The following GALNTL6 variants were observed in gnomAD, a reference collection of about 807,000 sequenced individuals.
The protein encoded by GALNTL6 is polypeptide N-acetylgalactosaminyltransferase like 6, also known as polypeptide N-acetylgalactosaminyltransferase-like 6.
In GALNTL6, 46 loss-of-function variants were observed where a neutral mutation model predicts 73.7. The ratio of observed to expected loss-of-function variants is 0.62; its 90% CI spans 0.49 to 0.80. The LOEUF is 0.80. Ranked by LOEUF, GALNTL6 falls within the 30% of genes least tolerant of loss-of-function variation. The probability of loss-of-function intolerance (pLI) is 0.00; values close to 1 mark genes in which losing one functional copy is unlikely to be tolerated. For synonymous variants in GALNTL6, 259 were observed against 263.7 expected, an observed-to-expected ratio of 0.98 and a Z score of 0.17; for missense variants, 604 against 755.0, an observed-to-expected ratio of 0.80 and a Z score of 2.34.
chr4:172,339,266 C>CAA, intron 4 of GALNTL6, among the ~76,000 whole-genome samples: 1 of 66,868 alleles, frequency 1.5e-5, no homozygotes, highest in Non-Finnish European at 3.2e-5. Context: ...ACCACACACA[C>CAA]ACACACACAC....
chr4:172,159,464 A>T (rs1043275708), intron 2 of GALNTL6, among the ~76,000 whole-genome samples: 25 of 152,342 alleles, frequency 1.6e-4, no homozygotes, highest in Middle Eastern at 3.4e-3. Context: ...AGTTTCATTC[A>T]TGATGAAAGA....
At position 172,168,795 on chromosome 4, in the gene GALNTL6, G is replaced by A. The variant is rs79165326; in HGVS notation, c.139-60861G>A. Among the ~76,000 whole-genome samples, 664 of 152,312 alleles carry A rather than the reference G, an allele frequency of 4.4e-3. 7 individuals are homozygous for A. Among genetic ancestry groups the A allele is most frequent in the African/African-American group, 0.015 (632 of 41,554 alleles). On this transcript the variant is annotated intron_variant, in intron 2 of 12. Coordinates refer to ENST00000506823, the MANE Select transcript of GALNTL6 (RefSeq NM_001034845.3). The stretch of plus-strand genomic sequence containing the variant: ...GGCCAAAACATAAAGAGACATATCA[G>A]CTGCATCAATAGTAAACCTAGTTAT...
At chr4:172,275,594 A>G (rs1391092446) in intron 3 of GALNTL6, among the ~76,000 whole-genome samples, 1 of 152,242 alleles carries the variant, frequency 6.6e-6, no homozygotes, top group Non-Finnish European at 1.5e-5. Flanking sequence ...GCTTTTAACA[A>G]TTATGATTAC....
rs75573189 is a variant in GALNTL6, at chr4:172,073,357, C to T, written c.139-156299C>T. On this transcript the variant is annotated intron_variant, in intron 2 of 12. Coordinates refer to ENST00000506823, the MANE Select transcript of GALNTL6 (RefSeq NM_001034845.3). ...CATAGGTATAGTTCTAAGAACAGTA[C>T]CAGGCATATGGCAGATACTGAATAA... Among the ~76,000 whole-genome samples, 1,258 of 152,152 alleles carry T rather than the reference C, an allele frequency of 8.3e-3. 19 individuals are homozygous for T. Among genetic ancestry groups the T allele is most frequent in the African/African-American group, 0.029 (1,184 of 41,502 alleles).
chr4:172,049,129 T>C (rs1730742736), intron 2 of GALNTL6, among the ~76,000 whole-genome samples: 1 of 152,200 alleles, frequency 6.6e-6, no homozygotes, highest in Non-Finnish European at 1.5e-5. Flanking sequence ...GCAAATGCTA[T>C]AGTATCTTTA....
At chr4:171,927,202 A>T (rs1366007735) in intron 2 of GALNTL6, among the ~76,000 whole-genome samples, 1 of 152,158 alleles carries the variant, frequency 6.6e-6, no homozygotes, top group East Asian at 1.9e-4. Context: ...TTTAAGAAAT[A>T]TACATTTATA....
Position 172,283,079 on chromosome 4 carries a change from T to G in GALNTL6, c.248-28535T>G, listed in dbSNP as rs140161203. Among the ~76,000 whole-genome samples, 5 of 152,300 alleles carry G rather than the reference T, an allele frequency of 3.3e-5. No individual in the cohort carries two copies. In the East Asian group the frequency reaches 9.6e-4, roughly 29 times the overall value. On this transcript the variant is annotated intron_variant, in intron 3 of 12. Transcript: ENST00000506823. Reference sequence around the variant, plus strand: ...GGGGCATGTTAAGGAGAAAATAGCATGGACCATAAGTAGATAATCCAACAT... The same window carrying G: ...GGGGCATGTTAAGGAGAAAATAGCAGGGACCATAAGTAGATAATCCAACAT...
chr4:171,899,013 G>A (rs1398751082), intron 2 of GALNTL6, among the ~76,000 whole-genome samples: 2 of 140,968 alleles, frequency 1.4e-5, no homozygotes, highest in Admixed American at 6.9e-5. Context: ...TACATTCAGG[G>A]GCATTTTATC....
chr4:172,260,119 TA>T (rs892623510), intron 3 of GALNTL6, among the ~76,000 whole-genome samples: 5 of 151,782 alleles, frequency 3.3e-5, no homozygotes, highest in African/African-American at 1.2e-4. Context: ...TTGTTTTTTC[TA>T]GTTCTGTGAA....
rs371639579 is a variant in GALNTL6 at position 172,531,278 on chromosome 4, T to C, written c.553+182589T>C. Among the ~76,000 whole-genome samples, 13 of 152,324 alleles carry C rather than the reference T, an allele frequency of 8.5e-5. No homozygotes were observed. The East Asian group carries it at 1.2e-3, about 14-fold the overall frequency. On this transcript the variant is annotated intron_variant, in intron 5 of 12. Coordinates refer to ENST00000506823, the MANE Select transcript of GALNTL6 (RefSeq NM_001034845.3). ...CTCATGCAAGAGTAAATGAAAAGGC[T>C]TAAAACAATTTGCATGGGCTGTCTC... is the stretch of plus-strand genomic sequence containing the variant.
intron 2 of GALNTL6, among the ~76,000 whole-genome samples, chr4:171,872,563 T>C (rs953938930): frequency 6.6e-6 from 1 of 152,188 alleles, no homozygotes; most frequent in African/African-American, 2.4e-5. Flanking sequence ...TGTCTCACAG[T>C]TCTGAAGGCC....
At chr4:171,904,256 G>C (rs1040699360) in intron 2 of GALNTL6, among the ~76,000 whole-genome samples, 1 of 152,102 alleles carries the variant, frequency 6.6e-6, no homozygotes, top group African/African-American at 2.4e-5. Flanking sequence ...AAAAAATTTA[G>C]AAGAATGTAT....
At chr4:172,777,739 G>A (rs988432355) in intron 5 of GALNTL6, among the ~76,000 whole-genome samples, 1 of 152,078 alleles carries the variant, frequency 6.6e-6, no homozygotes, top group Admixed American at 6.6e-5. Flanking sequence ...AGAAGGAGGT[G>A]GGTTTTTTTT....
intron 2 of GALNTL6, among the ~76,000 whole-genome samples, chr4:172,052,830 A>C (rs113533939): frequency 2.4e-4 from 37 of 152,288 alleles, no homozygotes; most frequent in African/African-American, 8.7e-4. Context: ...CTCTACTAGC[A>C]TAAACATACA....
At chr4:172,460,560 A>G (rs575445143) in intron 5 of GALNTL6, among the ~76,000 whole-genome samples, 1 of 152,364 alleles carries the variant, frequency 6.6e-6, no homozygotes, top group South Asian at 2.1e-4. Flanking sequence ...GGCAAAGGAT[A>G]TGAACAGACA....
At chr4:172,688,921 A>T (rs1370572) in intron 5 of GALNTL6, among the ~76,000 whole-genome samples, 5 of 151,900 alleles carry the variant, frequency 3.3e-5, no homozygotes, top group African/African-American at 9.7e-5. Context: ...TCTCTGTGCA[A>T]GTATCAGTGT....
chr4:171,933,080 A>G (rs971731780), intron 2 of GALNTL6, among the ~76,000 whole-genome samples: 1 of 152,174 alleles, frequency 6.6e-6, no homozygotes, highest in African/African-American at 2.4e-5. Flanking sequence ...AAATTATTGA[A>G]AAGACTTATG....
At chr4:171,864,377 T>C (rs1735918037) in intron 2 of GALNTL6, among the ~76,000 whole-genome samples, 1 of 69,472 alleles carries the variant, frequency 1.4e-5, no homozygotes, top group Non-Finnish European at 3.4e-5. Context: ...TGCTCACATA[T>C]GAGGTATAGT....
intron 4 of GALNTL6, among the ~76,000 whole-genome samples, chr4:172,344,181 G>A (rs1741662716): frequency 6.6e-6 from 1 of 152,030 alleles, no homozygotes. Context: ...GTTCCATATT[G>A]GTACATCATC....
Sources: allele counts gnomAD v4.1 joint callset (sites outside exome capture counted in the v4.1 genomes callset), GRCh38; gene constraint gnomAD v4.1.1; transcripts MANE v1.5; gene names NCBI Gene and HGNC (gene_info 2026-07-23, HGNC 2026-07-21).